HEPHL1: variants seen among roughly 807,000 people sequenced by gnomAD.
HEPHL1 encodes the protein hephaestin like 1.
In HEPHL1, 123 loss-of-function variants were observed where a neutral mutation model predicts 122.0. The ratio of observed to expected loss-of-function variants is 1.01; its 90% CI spans 0.87 to 1.17. The LOEUF (loss-of-function observed/expected upper bound fraction) is 1.17, where lower values mean the gene tolerates loss of function less well. Among genes scored for constraint, HEPHL1 ranks in the 50% most tolerant of loss-of-function variants. The pLI is 0.00. For synonymous variants in HEPHL1, 527 were observed against 508.9 expected (o/e 1.04, Z -0.48); for missense variants, 1,452 against 1,430.5 (o/e 1.01, Z -0.24).
chr11:94,102,742 G>A (rs1946377555), intron 14 of HEPHL1, among the ~76,000 whole-genome samples, 172 bp from the exon 15 acceptor site: 1 of 152,174 alleles, frequency 6.6e-6, no homozygotes, highest in African/African-American at 2.4e-5. Context: ...ATTTCATTTT[G>A]AAATAGTAGA....
chr11:94,045,682 C>T lies in HEPHL1; in HGVS notation c.180C>T (p.Thr60=), dbSNP rs762564811. The change falls in exon 2 of 20, where the codon ACC becomes ACT. Residue 60 remains threonine, a synonymous_variant. Transcript: ENST00000315765. ...TTCTTCTTACTTTTAGACTTGCAAC[C>T]TTATTTCTCGAAAGAGGGCCCAACA... is the stretch of plus-strand genomic sequence containing the variant. ...GKSFTEDKLA[T]LFLERGPNRI... 6.2e-7 allele frequency: 1 copy of T among 1,603,176 alleles called. No homozygotes were observed. Among genetic ancestry groups the T allele is most frequent in the East Asian group, 2.2e-5 (1 of 44,762 alleles).
At position 94,060,270 on chromosome 11, in the gene HEPHL1, CACAT is replaced by C. The variant is rs569747456; in HGVS notation, c.416-3236_416-3233del. Among the ~76,000 whole-genome samples the C allele has an allele frequency of 6.1e-4, 92 of 151,228 alleles. 1 individual carries two copies. In the South Asian group the frequency reaches 0.019, roughly 31 times the overall value. The stretch of plus-strand genomic sequence containing the variant: ...CATTAGTGAAGCAATCATACATACA[CACAT>C]ATGCACACATGATATATATATGTGT... On this transcript the variant is annotated intron_variant, in intron 2 of 19. Transcript: ENST00000315765.
chr11:94,113,013 G>T lies in HEPHL1; in HGVS notation c.*1119G>T, dbSNP rs1946464126. 6.6e-6 allele frequency: 1 copy of T among 152,140 alleles called. No homozygotes were observed. Among genetic ancestry groups the T allele is most frequent in the African/African-American group, 2.4e-5 (1 of 41,426 alleles). The allele number at this position is 152,140 out of a possible 1,614,324, so 9.4% of individuals were successfully genotyped here. ...GAAGGAGAAAAAAGGAAAAGGAAAG[G>T]TGAGAAAAAGATAATCTTGGTGGCA... On this transcript the variant is annotated 3_prime_UTR_variant, in exon 20 of 20. Coordinates refer to ENST00000315765, the MANE Select transcript of HEPHL1 (RefSeq NM_001098672.2).
Position 94,029,824 on chromosome 11 carries a change from C to T in HEPHL1, c.170+8286C>T, listed in dbSNP as rs115553116. Among the ~76,000 whole-genome samples, 1,074 of 152,312 alleles carry T rather than the reference C, an allele frequency of 7.1e-3. 9 individuals are homozygous for T. The highest frequency in any genetic ancestry group is 0.024 in the African/African-American group (1,014 of 41,570). On this transcript the variant is annotated intron_variant, in intron 1 of 19. Coordinates refer to ENST00000315765, the MANE Select transcript of HEPHL1 (RefSeq NM_001098672.2). ...CCCTACAGGGACTCAGCAAACACTT[C>T]ACTGCCCCTCCTGATACTTATTTTG...
intron 12 of HEPHL1, 69 bp from the exon 13 acceptor site, chr11:94,093,432 A>T: frequency 1.9e-6 from 3 of 1,574,462 alleles, no homozygotes; most frequent in African/African-American, 2.7e-5. Context: ...ATACCCCTGA[A>T]TCACTTAGAA....
At chr11:94,054,813 G>T (rs1042829764) in intron 2 of HEPHL1, among the ~76,000 whole-genome samples, 1 of 152,258 alleles carries the variant, frequency 6.6e-6, no homozygotes, top group East Asian at 1.9e-4. Context: ...TTTTCGTAGG[G>T]GAGTAGATAA....
At chr11:94,083,406 G>T (rs149820917) in intron 10 of HEPHL1, among the ~76,000 whole-genome samples, 293 of 152,256 alleles carry the variant, frequency 1.9e-3, no homozygotes, top group African/African-American at 6.8e-3. Flanking sequence ...CCTGCTAATT[G>T]CTTGTGAGTA....
At chr11:94,104,224 G>T (rs1054928975) in intron 15 of HEPHL1, among the ~76,000 whole-genome samples, 5 of 152,096 alleles carry the variant, frequency 3.3e-5, no homozygotes, top group Admixed American at 6.5e-5. Context: ...TAAATCAAGG[G>T]GTAGCCTAAG....
At chr11:94,091,174 T>A (rs563437321) in intron 12 of HEPHL1, among the ~76,000 whole-genome samples, 1 of 152,302 alleles carries the variant, frequency 6.6e-6, no homozygotes, top group South Asian at 2.1e-4. Context: ...TTATCTGACA[T>A]AACCCTTACA....
intron 1 of HEPHL1, among the ~76,000 whole-genome samples, chr11:94,028,053 C>T (rs953845393): frequency 4.6e-5 from 7 of 152,162 alleles, no homozygotes; most frequent in Non-Finnish European, 1.0e-4. Flanking sequence ...TATGATCTCA[C>T]ATGTTGGATC....
intron 8 of HEPHL1, among the ~76,000 whole-genome samples, chr11:94,074,418 C>G (rs115322931): frequency 3.3e-5 from 5 of 151,618 alleles, no homozygotes; most frequent in Non-Finnish European, 7.4e-5. Flanking sequence ...CATAGCAAGA[C>G]CTTGTCTCTT....
rs1946394618 is a variant in HEPHL1, at chr11:94,104,671, C to A, written c.2826C>A (p.Asp942Glu). ...FNENESWYLD[D>E]NIKKYLNKDP... is the part of the protein sequence containing the mutation. ...AGAATGAATCCTGGTATCTGGATGA[C>A]AATATTAAGAAGTATCTCAACAAAG... is the stretch of plus-strand genomic sequence containing the variant. Residue 942 changes from aspartate to glutamate, a missense_variant, in exon 16 of 20, where the codon GAC becomes GAA. Physicochemically the swap from Asp to Glu is conservative, Grantham distance 45. Coordinates refer to ENST00000315765, the MANE Select transcript of HEPHL1 (RefSeq NM_001098672.2). 7 of 1,613,488 alleles carry A rather than the reference C, an allele frequency of 4.3e-6. No individual in the cohort carries two copies. The highest frequency in any genetic ancestry group is 5.9e-6 in the Non-Finnish European group (7 of 1,179,494).
chr11:94,091,859 A>C (rs1476148259), intron 12 of HEPHL1, among the ~76,000 whole-genome samples: 1 of 152,206 alleles, frequency 6.6e-6, no homozygotes, highest in Admixed American at 6.6e-5. Context: ...GGGAGAGCAC[A>C]TCATGTTCAA....
intron 12 of HEPHL1, among the ~76,000 whole-genome samples, chr11:94,090,142 G>A (rs77667850): frequency 1.3e-5 from 2 of 151,902 alleles, no homozygotes; most frequent in African/African-American, 4.8e-5. Context: ...AAGAACAGGA[G>A]AATTTTAAAT....
chr11:94,098,282 G>T (rs1946336234), intron 13 of HEPHL1, among the ~76,000 whole-genome samples: 1 of 152,160 alleles, frequency 6.6e-6, no homozygotes, highest in Admixed American at 6.5e-5. Flanking sequence ...AGCTTAGTTT[G>T]GCTGGATATG....
At chr11:94,110,812 G>A in intron 17 of HEPHL1, 91 bp from the exon 18 acceptor site, 1 of 983,246 alleles carries the variant, frequency 1.0e-6, no homozygotes, top group Non-Finnish European at 1.5e-6. Context: ...TTTGCTTACT[G>A]TGGGTTTTAT....
At chr11:94,081,738 G>T (rs181462803) in intron 9 of HEPHL1, among the ~76,000 whole-genome samples, 104 of 152,158 alleles carry the variant, frequency 6.8e-4, no homozygotes, top group African/African-American at 2.4e-3. Context: ...AATCCAAAGT[G>T]TTCCTATCCT....
intron 1 of HEPHL1, among the ~76,000 whole-genome samples, chr11:94,043,116 A>T (rs556834261): frequency 6.6e-6 from 1 of 152,264 alleles, no homozygotes; most frequent in East Asian, 1.9e-4. Context: ...TGAATGATTG[A>T]ATTCTTGGAA....
At chr11:94,089,470 G>A (rs1286049496) in intron 12 of HEPHL1, among the ~76,000 whole-genome samples, 1 of 152,204 alleles carries the variant, frequency 6.6e-6, no homozygotes, top group Non-Finnish European at 1.5e-5. Context: ...AGGAAGAACA[G>A]GTTTCTCTAC....
Sources: gnomAD v4.1 joint callset for allele counts (sites outside exome capture counted in the v4.1 genomes callset) on GRCh38, gnomAD v4.1.1 for gene constraint, MANE v1.5 for transcripts, NCBI Gene and HGNC (gene_info 2026-07-23, HGNC 2026-07-21) for gene names.